SNTG2: variants seen among roughly 807,000 people sequenced by gnomAD.
SNTG2 encodes the protein syntrophin gamma 2, also known as gamma-2-syntrophin.
A neutral mutation model predicts 70.9 loss-of-function variants in SNTG2; 74 were observed. That is an observed-to-expected ratio of 1.04 (90% CI 0.86 to 1.27). SNTG2 has a LOEUF of 1.27. Among genes scored for constraint, SNTG2 ranks in the 50% most tolerant of loss-of-function variants. The pLI, the probability that SNTG2 is intolerant of heterozygous loss-of-function variation, is 0.00. For missense variants in SNTG2, 717 were observed against 690.7 expected, an observed-to-expected ratio of 1.04 and a Z score of -0.43; for synonymous variants, 278 against 273.8, an observed-to-expected ratio of 1.02 and a Z score of -0.15.
chr2:1,181,170 A>C (rs1431393390), intron 8 of SNTG2, among the ~76,000 whole-genome samples: 1 of 152,144 alleles, frequency 6.6e-6, no homozygotes, highest in African/African-American at 2.4e-5. Flanking sequence ...ATACATATGT[A>C]ACTAACCTGC....
At chr2:1,351,040 G>A (rs2148305979) in intron 16 of SNTG2, among the ~76,000 whole-genome samples, 1 of 151,914 alleles carries the variant, frequency 6.6e-6, no homozygotes, top group South Asian at 2.1e-4. Flanking sequence ...ACCTTGTTCG[G>A]CCGATAAGTG....
At chr2:1,178,024 T>C (rs4464311) in intron 8 of SNTG2, among the ~76,000 whole-genome samples, 84,402 of 151,952 alleles carry the variant, frequency 0.56, 24,706 homozygotes, top group East Asian at 0.75. Context: ...GATAAACACT[T>C]CTGGCATGAT....
chr2:1,098,292 G>A, intron 3 of SNTG2, 40 bp downstream of exon 3: 2 of 1,613,664 alleles, frequency 1.2e-6, no homozygotes, highest in Non-Finnish European at 8.5e-7. Flanking sequence ...TTTTATTTTT[G>A]AAGAACTTTC....
chr2:1,293,662 C>T (rs867741973), intron 14 of SNTG2, among the ~76,000 whole-genome samples: 1 of 151,858 alleles, frequency 6.6e-6, no homozygotes, highest in South Asian at 2.1e-4. Context: ...TTTCATTTTC[C>T]TTCTGCTGTT....
intron 4 of SNTG2, among the ~76,000 whole-genome samples, chr2:1,134,763 G>T (rs28603185): frequency 0.12 from 18,280 of 152,210 alleles, 1,156 homozygotes; most frequent in Admixed American, 0.15. Context: ...GACTGGGCAC[G>T]GTGGAGCAGG....
At chr2:1,332,873 G>T (rs1010941608) in intron 16 of SNTG2, among the ~76,000 whole-genome samples, 3 of 152,144 alleles carry the variant, frequency 2.0e-5, no homozygotes, top group African/African-American at 7.2e-5. Context: ...AAAGTTGAAA[G>T]CATTTCTCCT....
At chr2:1,156,308 G>T (rs1424638918) in intron 6 of SNTG2, among the ~76,000 whole-genome samples, 1 of 152,000 alleles carries the variant, frequency 6.6e-6, no homozygotes, top group Non-Finnish European at 1.5e-5. Context: ...CTCTTTTGTT[G>T]GGGGGGATGG....
At chr2:1,083,490 T>G (rs1664477943) in intron 1 of SNTG2, 28 bp from the exon 2 acceptor site, 1 of 1,612,566 alleles carries the variant, frequency 6.2e-7, no homozygotes, top group Admixed American at 1.7e-5. Flanking sequence ...TCACACCATT[T>G]TTTTGTGTTT....
At chr2:1,049,192 G>A (rs1240858072) in intron 1 of SNTG2, among the ~76,000 whole-genome samples, 1 of 152,106 alleles carries the variant, frequency 6.6e-6, no homozygotes. Context: ...TTCAAACGAG[G>A]ATACACTCTT....
chr2:1,041,005 C>T (rs2148056796), intron 1 of SNTG2, among the ~76,000 whole-genome samples: 1 of 152,260 alleles, frequency 6.6e-6, no homozygotes, highest in Non-Finnish European at 1.5e-5. Flanking sequence ...ATGTTAAATT[C>T]CGGGACTGGC....
At chr2:1,114,406 A>C (rs1348029002) in intron 4 of SNTG2, among the ~76,000 whole-genome samples, 1 of 151,724 alleles carries the variant, frequency 6.6e-6, no homozygotes, top group Non-Finnish European at 1.5e-5. Context: ...TTTGAGGAGA[A>C]TCATGTGTAC....
At chr2:1,364,938 G>A (rs1438287479) in intron 16 of SNTG2, among the ~76,000 whole-genome samples, 2 of 151,982 alleles carry the variant, frequency 1.3e-5, no homozygotes. Context: ...CCAAAACCCT[G>A]AAGCATGAAT....
At chr2:1,268,752 A>G (rs577221822) in intron 14 of SNTG2, among the ~76,000 whole-genome samples, 25 of 152,366 alleles carry the variant, frequency 1.6e-4, no homozygotes, top group Admixed American at 1.4e-3. Flanking sequence ...AACCATCAGC[A>G]CTAAAGGTTC....
intron 8 of SNTG2, among the ~76,000 whole-genome samples, chr2:1,207,301 C>CA (rs1454412625): frequency 6.6e-6 from 1 of 152,186 alleles, no homozygotes; most frequent in African/African-American, 2.4e-5. Context: ...AAATTCAGCT[C>CA]AGAGTTCAAA....
Position 1,170,042 on chromosome 2 carries a change from C to A in SNTG2, c.500-3050C>A, listed in dbSNP as rs142113902. Among the ~76,000 whole-genome samples the A allele has an allele frequency of 5.1e-3, 778 of 152,276 alleles. 1 individual carries two copies. The highest frequency in any genetic ancestry group is 7.7e-3 in the Non-Finnish European group (524 of 68,028). The stretch of plus-strand genomic sequence containing the variant: ...TGCCTGAGCAGACTTCACTTTCTGA[C>A]TGCATGAAGCAGAAATCCACCGAGC... On this transcript the variant is annotated intron_variant, in intron 7 of 16. Transcript: ENST00000308624.
intron 4 of SNTG2, among the ~76,000 whole-genome samples, chr2:1,135,128 A>G (rs1325488882): frequency 6.6e-6 from 1 of 152,088 alleles, no homozygotes; most frequent in African/African-American, 2.4e-5. Context: ...CTTCTGACCA[A>G]CTCTAGAGCA....
chr2:1,136,986 ATCAGACT>A (rs1668428390), intron 4 of SNTG2, among the ~76,000 whole-genome samples: 1 of 152,252 alleles, frequency 6.6e-6, no homozygotes, highest in Non-Finnish European at 1.5e-5. Flanking sequence ...AAAAATGTGC[ATCAGACT>A]TTCCATATCC....
In SNTG2 at chr2:1,131,470, T is replaced by C. The variant is rs77898813; in HGVS notation, c.326-6152T>C. On this transcript the variant is annotated intron_variant, in intron 4 of 16. Transcript: ENST00000308624. ...TGTCAGATTATGTATTTTAGTGATATCCTTGGAATCTACAGATCGTTAAAG... is the reference window on the plus strand; with the variant it reads ...TGTCAGATTATGTATTTTAGTGATACCCTTGGAATCTACAGATCGTTAAAG... Among the ~76,000 whole-genome samples, 3 of 152,256 alleles carry C rather than the reference T, an allele frequency of 2.0e-5. No homozygotes were observed. In the East Asian group the frequency reaches 5.8e-4, roughly 29 times the overall value.
At chr2:961,592 C>G (rs1018515208) in intron 1 of SNTG2, among the ~76,000 whole-genome samples, 2 of 152,154 alleles carry the variant, frequency 1.3e-5, no homozygotes, top group African/African-American at 4.8e-5. Context: ...TTTAATGGAG[C>G]ATTTTATTCT....
Sources: gnomAD v4.1 joint callset for allele counts (sites outside exome capture counted in the v4.1 genomes callset) on GRCh38, gnomAD v4.1.1 for gene constraint, MANE v1.5 for transcripts, NCBI Gene and HGNC (gene_info 2026-07-23, HGNC 2026-07-21) for gene names.